Variants in DCAF15 observed in about 807,000 individuals in gnomAD.
DCAF15 encodes DDB1- and CUL4-associated factor 15.
In DCAF15, 24 loss-of-function variants were observed where a neutral mutation model predicts 68.0. The observed-to-expected ratio is 0.35, with a 90% CI of 0.26 to 0.50. The LOEUF (loss-of-function observed/expected upper bound fraction) is 0.50. Ranked by LOEUF, DCAF15 falls within the 20% of genes least tolerant of loss-of-function variation. The probability of loss-of-function intolerance (pLI) is 0.98; values close to 1 mark genes in which losing one functional copy is unlikely to be tolerated. For synonymous variants in DCAF15, 376 were observed against 341.6 expected, an observed-to-expected ratio of 1.10 and a Z score of -1.11; for missense variants, 627 against 830.6, an observed-to-expected ratio of 0.75 and a Z score of 3.01.
At chr19:13,960,133 G>A in intron 10 of DCAF15, 64 bp downstream of exon 10, 4 of 1,596,590 alleles carry the variant, frequency 2.5e-6, no homozygotes, top group Non-Finnish European at 3.4e-6. Flanking sequence ...CTTCACGGTG[G>A]GGGTGTGGGG....
chr19:13,953,699 G>GTGCCTGGCTTC lies in DCAF15; in HGVS notation c.133-634_133-624dup, dbSNP rs371140436. On this transcript the variant is annotated intron_variant, in intron 1 of 12. Coordinates refer to ENST00000254337, the MANE Select transcript of DCAF15 (RefSeq NM_138353.4). ...AGACTGAGGCTGTTCGGATATCCCT[G>GTGCCTGGCTTC]TGCCTGGCTTCTGCCTGTCAGTCCC... is the stretch of plus-strand genomic sequence containing the variant. 2.0e-3 allele frequency among the ~76,000 whole-genome samples: 309 copies of GTGCCTGGCTTC among 152,364 alleles called. 1 individual carries two copies. Among genetic ancestry groups the GTGCCTGGCTTC allele is most frequent in the African/African-American group, 7.2e-3 (300 of 41,584 alleles).
intron 12 of DCAF15, 99 bp downstream of exon 12, chr19:13,960,679 G>T: frequency 8.0e-7 from 1 of 1,252,546 alleles, no homozygotes; most frequent in Non-Finnish European, 1.1e-6. Context: ...TGGGAAGGCT[G>T]GTGAGGAGAG....
chr19:13,960,886 CCGCAG>C, intron 12 of DCAF15, 49 bp from the exon 13 acceptor site: 2 of 1,610,910 alleles, frequency 1.2e-6, no homozygotes, highest in South Asian at 1.1e-5. Context: ...GAGGGTGTGG[CCGCAG>C]GGCCAGGCAG....
At position 13,961,350 on chromosome 19, in the gene DCAF15, C is replaced by G; in HGVS notation, c.*355C>G. The G allele has an allele frequency of 3.3e-6, 1 of 307,048 alleles. No homozygotes were observed. Among genetic ancestry groups the G allele is most frequent in the South Asian group, 4.1e-5 (1 of 24,550 alleles). 19.0% of individuals were successfully genotyped at this position (307,048 alleles called of 1,614,324 possible). On this transcript the variant is annotated 3_prime_UTR_variant, in exon 13 of 13. Transcript: ENST00000254337. ...GGGAGGTCGAATGGACCCCATTCCC[C>G]CTGCCCTGCCCGCCCCCAGCCTCCC...
Position 13,961,072 on chromosome 19 carries a change from C to A in DCAF15, c.*77C>A, listed in dbSNP as rs1973615476. 2.5e-6 allele frequency: 4 copies of A among 1,571,878 alleles called. No homozygotes were observed. Among genetic ancestry groups the A allele is most frequent in the Middle Eastern group, 1.7e-4 (1 of 5,736 alleles). ...GGCCCCCTTCCTGGGGTGGCCTCTT[C>A]CTGGCCGGCTGGCCCACCGACTGAT... On this transcript the variant is annotated 3_prime_UTR_variant, in exon 13 of 13. Transcript: ENST00000254337.
Position 13,956,027 on chromosome 19 carries a change from A to T in DCAF15, c.473+9A>T. 6.2e-7 allele frequency: 1 copy of T among 1,613,274 alleles called. No individual in the cohort carries two copies. Among genetic ancestry groups the T allele is most frequent in the Non-Finnish European group, 8.5e-7 (1 of 1,179,902 alleles). On this transcript the variant is annotated intron_variant, in intron 4 of 12. Transcript: ENST00000254337. ...ATCGTCTTCGGCTTCAAGTGAGACC[A>T]GGCGCCTGGGGGAGCCTTGGCTGGT...
At position 13,959,146 on chromosome 19, in the gene DCAF15, C is replaced by T; in HGVS notation, c.886C>T (p.Pro296Ser). The change falls in exon 7 of 13, where the codon CCC becomes TCC. Residue 296 changes from proline (P) to serine (S), a missense_variant. Around this residue, in one of 3 missense-constraint regions of DCAF15, gnomAD observed 236 missense variants for 225.1 expected, o/e 1.05. Coordinates refer to ENST00000254337, the MANE Select transcript of DCAF15 (RefSeq NM_138353.4). The part of the protein sequence containing the change: ...PQSPELPPAL[P>S]SFCPEAAPAR... ...GAGCCCAGAGCTGCCCCCTGCCCTC[C>T]CCAGCTTCTGCCCTGAGGCGGCCCC... 6.2e-7 allele frequency: 1 copy of T among 1,612,702 alleles called. No individual in the cohort carries two copies. The highest frequency in any genetic ancestry group is 8.5e-7 in the Non-Finnish European group (1 of 1,179,860).
rs367840480 is a variant in DCAF15 at position 13,959,909 on chromosome 19, G to A, written c.1440+14G>A. 6.8e-6 allele frequency: 11 copies of A among 1,610,406 alleles called. No homozygotes were observed. Among genetic ancestry groups the A allele is most frequent in the African/African-American group, 6.8e-5 (5 of 73,408 alleles). On this transcript the variant is annotated intron_variant, in intron 9 of 12. Coordinates refer to ENST00000254337, the MANE Select transcript of DCAF15 (RefSeq NM_138353.4). ...GTCATTCTGGAGGTGGGCCCAGGGCGGGCAGGGTGGGCCCAGGGCCTCCTG... is the reference window on the plus strand; with the variant it reads ...GTCATTCTGGAGGTGGGCCCAGGGCAGGCAGGGTGGGCCCAGGGCCTCCTG...
intron 10 of DCAF15, 64 bp downstream of exon 10, chr19:13,960,133 G>C: frequency 6.3e-7 from 1 of 1,596,590 alleles, no homozygotes; most frequent in Non-Finnish European, 8.5e-7. Context: ...CTTCACGGTG[G>C]GGGTGTGGGG....
At position 13,959,451 on chromosome 19, in the gene DCAF15, G is replaced by C. The variant is rs1973502004; in HGVS notation, c.1191G>C (p.Glu397Asp). ...VNYTKLYYVL[E>D]SGEGTEPEDE... ...ACACCAAGCTGTACTATGTGCTGGA[G>C]TCCGGAGAGGGGACGGAGCCGGAGG... is the stretch of plus-strand genomic sequence containing the variant. Residue 397 changes from glutamate (E) to aspartate (D), a missense_variant, in exon 7 of 13, where the codon GAG becomes GAC. Glu to Asp is a conservative substitution (Grantham distance 45). This residue lies in a region of DCAF15 where 236 missense variants were observed against 225.1 expected (regional missense o/e 1.05). Coordinates refer to ENST00000254337, the MANE Select transcript of DCAF15 (RefSeq NM_138353.4). The C allele has an allele frequency of 1.9e-6, 3 of 1,609,616 alleles. No individual in the cohort carries two copies. Among genetic ancestry groups the C allele is most frequent in the Middle Eastern group, 1.6e-4 (1 of 6,076 alleles).
At position 13,959,301 on chromosome 19, in the gene DCAF15, C is replaced by T. The variant is rs1428718334; in HGVS notation, c.1041C>T (p.Cys347=). ...GVPEEARPAL[C]PGPSGSRCRA... ...CTGAGGAAGCCCGGCCTGCCCTGTGCCCAGGACCCTCTGGCAGCCGCTGCC... is the reference window on the plus strand; with the variant it reads ...CTGAGGAAGCCCGGCCTGCCCTGTGTCCAGGACCCTCTGGCAGCCGCTGCC... The change falls in exon 7 of 13, where the codon TGC becomes TGT. Residue 347 remains cysteine, a synonymous_variant. Coordinates refer to ENST00000254337, the MANE Select transcript of DCAF15 (RefSeq NM_138353.4). 3 of 1,609,116 alleles carry T rather than the reference C, an allele frequency of 1.9e-6. No homozygotes were observed. The highest frequency in any genetic ancestry group is 2.5e-6 in the Non-Finnish European group (3 of 1,179,758).
intron 1 of DCAF15, among the ~76,000 whole-genome samples, 194 bp downstream of exon 1, chr19:13,952,838 A>G (rs1264822729): frequency 1.9e-5 from 1 of 53,400 alleles, no homozygotes; most frequent in Non-Finnish European, 3.5e-5. Context: ...GCCTGGATGC[A>G]GGTGGTTGTG....
At chr19:13,956,620 G>C (rs1973376278) in intron 6 of DCAF15, 98 bp downstream of exon 6, 3 of 1,368,702 alleles carry the variant, frequency 2.2e-6, no homozygotes, top group Non-Finnish European at 3.0e-6. Flanking sequence ...AGAGAGGTGG[G>C]AGCTACTTCC....
At chr19:13,955,738 A>G (rs1037356085) in intron 3 of DCAF15, among the ~76,000 whole-genome samples, 174 bp from the exon 4 acceptor site, 1 of 152,090 alleles carries the variant, frequency 6.6e-6, no homozygotes, top group African/African-American at 2.4e-5. Flanking sequence ...GGTCTCCCCG[A>G]CTGGTGAAAG....
rs1234834416 is a variant in DCAF15, at chr19:13,952,940, G to A, written c.132+296G>A. 4 of 886,792 alleles carry A rather than the reference G, an allele frequency of 4.5e-6. No individual in the cohort carries two copies. In the East Asian group the frequency reaches 1.2e-4, roughly 27 times the overall value. 54.9% of individuals were successfully genotyped at this position (886,792 alleles called of 1,614,324 possible). A position where few individuals can be genotyped will look rare whatever the true frequency, so the allele number is the denominator to read the frequency against. On this transcript the variant is annotated intron_variant, in intron 1 of 12. Transcript: ENST00000254337. ...AGGGAGGCGACCCCAGAGGCCGCAG[G>A]GAGAATCAGGAGGAAGGGGGCGATC... is the stretch of plus-strand genomic sequence containing the variant.
intron 3 of DCAF15, 32 bp from the exon 4 acceptor site, chr19:13,955,880 G>A: frequency 6.2e-7 from 1 of 1,610,860 alleles, no homozygotes. Context: ...CAGTTTCCCT[G>A]ACCCGGTGCT....
chr19:13,953,225 G>A, intron 1 of DCAF15: 1 of 1,288,934 alleles, frequency 7.8e-7, no homozygotes, highest in Non-Finnish European at 1.0e-6. Context: ...CCATCAGACT[G>A]GAAACTCCCA....
intron 6 of DCAF15, 129 bp downstream of exon 6, chr19:13,956,651 G>C (rs930183176): frequency 9.0e-7 from 1 of 1,111,008 alleles, no homozygotes; most frequent in African/African-American, 1.6e-5. Flanking sequence ...CAGCCTGGTT[G>C]TGGGAATGCT....
chr19:13,954,736 G>A, intron 3 of DCAF15, 75 bp downstream of exon 3: 1 of 1,511,382 alleles, frequency 6.6e-7, no homozygotes, highest in Non-Finnish European at 9.1e-7. Context: ...CTGAGCCTCA[G>A]GTTCCTTGGG....
Sources: gnomAD v4.1 joint callset for allele counts (sites outside exome capture counted in the v4.1 genomes callset) on GRCh38, gnomAD v4.1.1 for gene constraint, gnomAD v4.1.1 regional missense constraint, MANE v1.5 for transcripts, NCBI Gene and HGNC (gene_info 2026-07-23, HGNC 2026-07-21) for gene names.